The following PREX2 variants were observed in gnomAD, a reference collection of about 807,000 sequenced individuals.
PREX2 encodes phosphatidylinositol-3,4,5-trisphosphate dependent Rac exchange factor 2.
PREX2 carries 107 observed loss-of-function variants against 203.2 expected under a neutral mutation model. The observed-to-expected ratio is 0.53, with a 90% confidence interval of 0.45 to 0.62. PREX2 has a LOEUF of 0.62. Ranked by LOEUF, PREX2 falls within the 20% of genes least tolerant of loss-of-function variation. The pLI is 0.00. For missense variants in PREX2, 1,777 were observed against 1,955.9 expected (o/e 0.91, Z 1.72); for synonymous variants, 672 against 663.6 (o/e 1.01, Z -0.19).
rs58916146 is a variant in PREX2, at chr8:67,999,478, C to CAAAAAAAAAAAAAAAAA, written c.142-18367_142-18351dup. 3.3e-5 allele frequency among the ~76,000 whole-genome samples: 3 copies of CAAAAAAAAAAAAAAAAA among 92,092 alleles called. 1 individual carries two copies. Among genetic ancestry groups the CAAAAAAAAAAAAAAAAA allele is most frequent in the East Asian group, 3.3e-4 (1 of 3,070 alleles). 60.4% of individuals were successfully genotyped at this position (92,092 alleles called of 152,430 possible). A position where few individuals can be genotyped will look rare whatever the true frequency, so the allele number is the denominator to read the frequency against. ...AATCAGTAATAAATAGCCAACAAAC[C>CAAAAAAAAAAAAAAAAA]AAAAAAAAAAAAAAAAAGCCCAGAA... On this transcript the variant is annotated intron_variant, in intron 1 of 39. Transcript: ENST00000288368.
In PREX2 at chr8:68,022,580, C is replaced by T. The variant is rs116295719; in HGVS notation, c.441+440C>T. Among the ~76,000 whole-genome samples, 1,182 of 152,204 alleles carry T rather than the reference C, an allele frequency of 7.8e-3. 20 individuals carry two copies. Among genetic ancestry groups the T allele is most frequent in the African/African-American group, 0.026 (1,097 of 41,534 alleles). ...TCTTATTTTGTTTTCATAAAAACAA[C>T]AAGAATATGTGTTTAATTTCTTTAG... On this transcript the variant is annotated intron_variant, in intron 4 of 39. Coordinates refer to ENST00000288368, the MANE Select transcript of PREX2 (RefSeq NM_024870.4).
At chr8:68,197,503 C>T (rs1473457005) in intron 37 of PREX2, among the ~76,000 whole-genome samples, 1 of 152,004 alleles carries the variant, frequency 6.6e-6, no homozygotes, top group Non-Finnish European at 1.5e-5. Flanking sequence ...AATTAAACCT[C>T]TGTCTTTTAT....
At chr8:68,202,702 G>A (rs1170857486) in intron 37 of PREX2, among the ~76,000 whole-genome samples, 2 of 152,148 alleles carry the variant, frequency 1.3e-5, no homozygotes, top group Non-Finnish European at 2.9e-5. Flanking sequence ...AGAATGTTCA[G>A]TCACAGTTCT....
chr8:68,113,581 C>A (rs2129612919), intron 25 of PREX2, among the ~76,000 whole-genome samples: 1 of 152,264 alleles, frequency 6.6e-6, no homozygotes, highest in Middle Eastern at 3.4e-3. Context: ...GTTCACAGGG[C>A]CTCAAGCAAT....
intron 35 of PREX2, among the ~76,000 whole-genome samples, chr8:68,172,553 A>C (rs752938781): frequency 6.6e-6 from 1 of 152,242 alleles, no homozygotes; most frequent in Admixed American, 6.5e-5. Flanking sequence ...AGTGCTATGC[A>C]TGAGTACAAG....
Position 68,108,183 on chromosome 8 carries a change from C to A in PREX2, c.2790C>A (p.Ser930Arg). 1 of 1,613,990 alleles carries A rather than the reference C, an allele frequency of 6.2e-7. No homozygotes were observed. The highest frequency in any genetic ancestry group is 1.1e-5 in the South Asian group (1 of 91,076). ...QAKSKISPLH[S>R]SDFCPTNCHV... Reference sequence around the variant, plus strand: ...AATCTAAAATCTCCCCACTGCACAGCAGTGATTTCTGCCCTACCAACTGCC... The same window carrying A: ...AATCTAAAATCTCCCCACTGCACAGAAGTGATTTCTGCCCTACCAACTGCC... Residue 930 changes from serine (S) to arginine (R), a missense_variant, in exon 24 of 40, where the codon AGC becomes AGA. By Grantham distance (110) the Ser-to-Arg change is moderately radical. Transcript: ENST00000288368.
At chr8:68,165,716 T>A (rs578075848) in intron 35 of PREX2, among the ~76,000 whole-genome samples, 1 of 152,290 alleles carries the variant, frequency 6.6e-6, no homozygotes, top group African/African-American at 2.4e-5. Context: ...TCTTTAATTA[T>A]CTGGTTCCAA....
chr8:68,126,068 C>T (rs1033548202), intron 30 of PREX2, among the ~76,000 whole-genome samples: 4 of 152,166 alleles, frequency 2.6e-5, no homozygotes, highest in South Asian at 4.1e-4. Context: ...AATCATATCC[C>T]AATCTCAGTC....
intron 34 of PREX2, among the ~76,000 whole-genome samples, chr8:68,156,471 G>A (rs1005043860): frequency 1.3e-5 from 2 of 152,206 alleles, no homozygotes; most frequent in Non-Finnish European, 2.9e-5. Flanking sequence ...AAATACATTG[G>A]AAGTGTGAGT....
Position 68,152,289 on chromosome 8 carries a change from GAAAAAAAAA to G in PREX2, c.4232-5020_4232-5012del, listed in dbSNP as rs573525316. On this transcript the variant is annotated intron_variant, in intron 34 of 39. Transcript: ENST00000288368. ...CGACAGAGCGAGACTCCCTCTCAGA[GAAAAAAAAA>G]AAAAAAAAAAAAGATAAATCTTTTA... 9.7e-4 allele frequency among the ~76,000 whole-genome samples: 71 copies of G among 72,922 alleles called. 1 individual carries two copies. The highest frequency in any genetic ancestry group is 9.3e-4 in the Non-Finnish European group (39 of 41,830). The allele number at this position is 72,922 out of a possible 152,430, so 47.8% of individuals were successfully genotyped here.
At chr8:68,138,770 A>G (rs986473409) in intron 33 of PREX2, among the ~76,000 whole-genome samples, 4 of 152,180 alleles carry the variant, frequency 2.6e-5, no homozygotes, top group African/African-American at 9.7e-5. Flanking sequence ...TACTATTTCC[A>G]CATTCCCATA....
chr8:68,101,362 G>A (rs1450597972), intron 23 of PREX2: 1 of 518,810 alleles, frequency 1.9e-6, no homozygotes. Context: ...GGGTTGTTGA[G>A]TTGAGTTTGC....
chr8:67,977,962 C>G lies in PREX2; in HGVS notation c.141+25427C>G, dbSNP rs545259185. 2.0e-5 allele frequency among the ~76,000 whole-genome samples: 3 copies of G among 152,256 alleles called. No individual in the cohort carries two copies. The South Asian group carries it at 6.2e-4, about 32-fold the overall frequency. On this transcript the variant is annotated intron_variant, in intron 1 of 39. Transcript: ENST00000288368. ...GAAATCGGTAAGCGTAGGTGTTTCC[C>G]TGAGTTCTGTTAGCTGCTCTCACAA...
At chr8:67,964,193 AGCAC>A (rs1805707736) in intron 1 of PREX2, among the ~76,000 whole-genome samples, 1 of 152,210 alleles carries the variant, frequency 6.6e-6, no homozygotes, top group Admixed American at 6.5e-5. Context: ...GTGGAGGGCA[AGCAC>A]TCCCTTTAAG....
At chr8:68,040,429 A>C (rs1482672562) in intron 7 of PREX2, among the ~76,000 whole-genome samples, 1 of 151,944 alleles carries the variant, frequency 6.6e-6, no homozygotes, top group Non-Finnish European at 1.5e-5. Flanking sequence ...CTCCAAACAC[A>C]ATACCTCCCT....
At chr8:68,036,941 A>C (rs917198778) in intron 6 of PREX2, among the ~76,000 whole-genome samples, 2 of 151,570 alleles carry the variant, frequency 1.3e-5, no homozygotes, top group African/African-American at 4.8e-5. Flanking sequence ...ACTCCATTTC[A>C]AAAAAAAAGA....
In PREX2 at chr8:68,080,423, G is replaced by A. The variant is rs760976702; in HGVS notation, c.1643-20G>A. Reference sequence around the variant, plus strand: ...ATTTTTGAATTAGCTGAAATAATTTGCATCTGTCTTTTTCTGTAGTCCTTG... The same window carrying A: ...ATTTTTGAATTAGCTGAAATAATTTACATCTGTCTTTTTCTGTAGTCCTTG... On this transcript the variant is annotated intron_variant, in intron 15 of 39. Transcript: ENST00000288368. 7 of 1,603,266 alleles carry A rather than the reference G, an allele frequency of 4.4e-6. No homozygotes were observed. The Admixed American group carries it at 1.0e-4, about 24-fold the overall frequency.
At chr8:68,188,965 A>G (rs914852729) in intron 35 of PREX2, among the ~76,000 whole-genome samples, 1 of 152,234 alleles carries the variant, frequency 6.6e-6, no homozygotes, top group African/African-American at 2.4e-5. Flanking sequence ...TGCAGAAATG[A>G]ATAAAAATAA....
At chr8:68,056,223 G>A (rs1356761741) in intron 10 of PREX2, among the ~76,000 whole-genome samples, 1 of 152,032 alleles carries the variant, frequency 6.6e-6, no homozygotes, top group Non-Finnish European at 1.5e-5. Flanking sequence ...CATGATCCCG[G>A]GGGAAAGTGA....
Sources: allele counts gnomAD v4.1 joint callset (sites outside exome capture counted in the v4.1 genomes callset), GRCh38; gene constraint gnomAD v4.1.1; transcripts MANE v1.5; gene names NCBI Gene and HGNC (gene_info 2026-07-23, HGNC 2026-07-21).